The following TMEM50B variants were observed in gnomAD, a reference collection of about 807,000 sequenced individuals.
TMEM50B encodes the protein HCV p7-trans-regulated protein 3.
TMEM50B carries 14 observed loss-of-function variants against 23.4 expected under a neutral mutation model. The observed-to-expected ratio is 0.60, with a 90% CI of 0.39 to 0.93. The LOEUF is 0.93. Among genes scored for constraint, TMEM50B ranks in the 40% least tolerant of loss-of-function variants. TMEM50B has a pLI of 0.00. For missense variants in TMEM50B, 159 were observed against 193.0 expected, an observed-to-expected ratio of 0.82 and a Z score of 1.04; for synonymous variants, 64 against 62.3, an observed-to-expected ratio of 1.03 and a Z score of -0.13.
chr21:33,463,237 A>G (rs1424168032), intron 4 of TMEM50B, among the ~76,000 whole-genome samples: 1 of 152,244 alleles, frequency 6.6e-6, no homozygotes, highest in Non-Finnish European at 1.5e-5. Flanking sequence ...GGATGCAATG[A>G]GCTGAGATCG....
rs142101995 is a variant in TMEM50B at position 33,458,332 on chromosome 21, G to A, written c.373+2081C>T. 3.9e-3 allele frequency among the ~76,000 whole-genome samples: 588 copies of A among 152,194 alleles called. 4 individuals carry two copies. The highest frequency in any genetic ancestry group is 5.8e-3 in the Non-Finnish European group (397 of 68,022). On this transcript the variant is annotated intron_variant, in intron 5 of 6. Transcript: ENST00000542230. ...AATTCGAGACCAGCCTGACCAATAT[G>A]GTGAAACCCCATCTCTACTAAAAAT...
intron 1 of TMEM50B, among the ~76,000 whole-genome samples, chr21:33,474,351 TA>T (rs2084346531): frequency 6.6e-6 from 1 of 151,986 alleles, no homozygotes; most frequent in Non-Finnish European, 1.5e-5. Context: ...TTCTTTTTTT[TA>T]ATAAGAGTAA....
In TMEM50B at chr21:33,468,901, A is replaced by G; in HGVS notation, c.-16T>C. The G allele has an allele frequency of 1.9e-6, 3 of 1,601,178 alleles. No homozygotes were observed. Among genetic ancestry groups the G allele is most frequent in the Non-Finnish European group, 2.6e-6 (3 of 1,169,762 alleles). ...AGCCTGCCATTTTTACTTCTTAAGCATAAATTTTTCATTAAATGCTGTATC... is the reference window on the plus strand; with the variant it reads ...AGCCTGCCATTTTTACTTCTTAAGCGTAAATTTTTCATTAAATGCTGTATC... On this transcript the variant is annotated 5_prime_UTR_variant, in exon 2 of 7. An upstream start codon of the reference 5' UTR is lost. Transcript: ENST00000542230.
chr21:33,461,781 C>T (rs1012224649), intron 4 of TMEM50B, among the ~76,000 whole-genome samples: 4 of 150,104 alleles, frequency 2.7e-5, no homozygotes, highest in African/African-American at 7.3e-5. Flanking sequence ...CTCTAGCCTG[C>T]GCAACAAAGC....
intron 4 of TMEM50B, among the ~76,000 whole-genome samples, chr21:33,461,681 T>G (rs1208324660): frequency 6.6e-6 from 1 of 151,946 alleles, no homozygotes; most frequent in Non-Finnish European, 1.5e-5. Context: ...GGCGGGTGCC[T>G]GTAGTCCCAG....
intron 5 of TMEM50B, among the ~76,000 whole-genome samples, chr21:33,456,291 T>G (rs949834717): frequency 6.6e-6 from 1 of 152,174 alleles, no homozygotes; most frequent in African/African-American, 2.4e-5. Flanking sequence ...CCCAAACTCC[T>G]GGGCTCAAGT....
In TMEM50B at chr21:33,450,214, T is replaced by C. The variant is rs2084105587; in HGVS notation, c.*604A>G. The C allele has an allele frequency of 6.6e-6, 1 of 151,956 alleles. No individual in the cohort carries two copies. Among genetic ancestry groups the C allele is most frequent in the African/African-American group, 2.4e-5 (1 of 41,314 alleles). 9.4% of individuals were successfully genotyped at this position (151,956 alleles called of 1,614,324 possible). A position where few individuals can be genotyped will look rare whatever the true frequency, so the allele number is the denominator to read the frequency against. On this transcript the variant is annotated 3_prime_UTR_variant, in exon 7 of 7. Coordinates refer to ENST00000542230, the MANE Select transcript of TMEM50B (RefSeq NM_006134.7). ...ATACTGAGAGTGGTCCTTCTTTTTT[T>C]TGAGAGGGAGTTTCACTTTCTCCCC...
chr21:33,463,630 C>T (rs984959395), intron 4 of TMEM50B, among the ~76,000 whole-genome samples: 3 of 151,904 alleles, frequency 2.0e-5, no homozygotes, highest in Non-Finnish European at 4.4e-5. Context: ...GGATTCTGGC[C>T]AGGCGTGGTG....
At chr21:33,455,139 A>AAT (rs527482587) in intron 6 of TMEM50B, among the ~76,000 whole-genome samples, 31 of 152,132 alleles carry the variant, frequency 2.0e-4, no homozygotes, top group Admixed American at 1.0e-3. Context: ...TAAATAAATA[A>AAT]AAATAAAAAT....
intron 8 of TMEM50B, chr21:33,437,122 C>A: frequency 3.5e-5 from 20 of 576,348 alleles, no homozygotes; most frequent in South Asian, 8.7e-5. Flanking sequence ...ATGGGGGTGA[C>A]AAGCTTTTTT....
chr21:33,462,274 A>G (rs1568981398), intron 4 of TMEM50B, among the ~76,000 whole-genome samples: 1 of 152,220 alleles, frequency 6.6e-6, no homozygotes, highest in African/African-American at 2.4e-5. Flanking sequence ...GGGCATGACT[A>G]TAAGACAGTT....
downstream of TMEM50B, among the ~76,000 whole-genome samples, chr21:33,447,407 C>T (rs759929265): frequency 5.3e-5 from 8 of 151,936 alleles, no homozygotes; most frequent in South Asian, 2.1e-4. Context: ...AATCACACCA[C>T]GGCGTTCCAG....
chr21:33,458,791 T>C (rs1436998176), intron 5 of TMEM50B, among the ~76,000 whole-genome samples: 1 of 152,250 alleles, frequency 6.6e-6, no homozygotes, highest in Non-Finnish European at 1.5e-5. Flanking sequence ...CCTTCAGATA[T>C]GCTTCATACC....
intron 8 of TMEM50B, among the ~76,000 whole-genome samples, chr21:33,433,748 T>C (rs2083914274): frequency 1.3e-5 from 2 of 151,244 alleles, no homozygotes; most frequent in East Asian, 1.9e-4. Flanking sequence ...AAAAGAGTTA[T>C]GATGGTACAT....
intron 3 of TMEM50B, among the ~76,000 whole-genome samples, chr21:33,466,616 C>G (rs1247204308): frequency 6.6e-6 from 1 of 152,070 alleles, no homozygotes. Flanking sequence ...TTTTAAGATA[C>G]ACCATTAATT....
At chr21:33,446,655 C>CAAAAAAAAAAAAAAAAAAAAA (rs869154931), downstream of TMEM50B, among the ~76,000 whole-genome samples, 5 of 19,192 alleles carry the variant, frequency 2.6e-4, 1 homozygote, top group Admixed American at 1.0e-3. Flanking sequence ...CACACACACA[C>CAAAAAAAAAAAAAAAAAAAAA]AAAAAAAAAA....
At chr21:33,461,086 T>C (rs929486592) in intron 4 of TMEM50B, among the ~76,000 whole-genome samples, 2 of 152,378 alleles carry the variant, frequency 1.3e-5, no homozygotes, top group East Asian at 3.9e-4. Context: ...GTAAATCATC[T>C]GGACACTTGA....
At chr21:33,441,772 G>A (rs1447945920) in intron 7 of TMEM50B, among the ~76,000 whole-genome samples, 1 of 152,160 alleles carries the variant, frequency 6.6e-6, no homozygotes, top group Non-Finnish European at 1.5e-5. Context: ...TGGGACTACA[G>A]GCATCCGCCA....
chr21:33,471,003 T>C (rs73900346), intron 1 of TMEM50B, among the ~76,000 whole-genome samples: 174 of 152,146 alleles, frequency 1.1e-3, no homozygotes, highest in African/African-American at 4.0e-3. Context: ...GTGGCCACAG[T>C]GGCAGCAAAA....
Sources: gnomAD v4.1 joint callset for allele counts (sites outside exome capture counted in the v4.1 genomes callset) on GRCh38, gnomAD v4.1.1 for gene constraint, MANE v1.5 for transcripts, NCBI Gene and HGNC (gene_info 2026-07-23, HGNC 2026-07-21) for gene names.